Variants in IPO9 observed in about 807,000 individuals in gnomAD.
The protein encoded by IPO9 is importin-9.
In IPO9, 28 loss-of-function variants were observed where a neutral mutation model predicts 128.6. The observed-to-expected ratio is 0.22, with a 90% confidence interval of 0.16 to 0.30. The LOEUF (loss-of-function observed/expected upper bound fraction) is 0.30, where lower values mean the gene tolerates loss of function less well. IPO9 is among the 10% of genes least tolerant of loss of function. The pLI, the probability that IPO9 is intolerant of heterozygous loss-of-function variation, is 1.00. For missense variants in IPO9, 935 were observed against 1,293.9 expected (o/e 0.72, Z 4.26); for synonymous variants, 455 against 475.8 (o/e 0.96, Z 0.57).
Position 201,855,232 on chromosome 1 carries a change from AAAAG to A in IPO9, c.970+53_970+56del, listed in dbSNP as rs757399267. 48 of 1,223,652 alleles carry A rather than the reference AAAAG, an allele frequency of 3.9e-5. No individual in the cohort carries two copies. The East Asian group carries it at 1.0e-3, about 27-fold the overall frequency. 75.8% of individuals were successfully genotyped at this position (1,223,652 alleles called of 1,614,324 possible). Reference sequence around the variant, plus strand: ...AGAAATACCAGTTAGTGGGAAAAGAAAAAGAAGCCAGAGATGGGGGCGGGAAACA... The same window carrying A: ...AGAAATACCAGTTAGTGGGAAAAGAAAAGCCAGAGATGGGGGCGGGAAACA... On this transcript the variant is annotated intron_variant, in intron 9 of 23. Coordinates refer to ENST00000361565, the MANE Select transcript of IPO9 (RefSeq NM_018085.5).
chr1:201,869,565 CTT>C (rs776286552), intron 16 of IPO9, 23 bp from the exon 17 acceptor site: 3 of 1,613,048 alleles, frequency 1.9e-6, no homozygotes, highest in African/African-American at 2.7e-5. Context: ...GCAATTCTGA[CTT>C]TTCTTTTTCT....
intron 1 of IPO9, among the ~76,000 whole-genome samples, chr1:201,843,528 T>G (rs1430637295): frequency 4.6e-5 from 7 of 152,228 alleles, no homozygotes; most frequent in Admixed American, 4.6e-4. Context: ...AGCCAAATAC[T>G]TTTTAAGAAA....
At chr1:201,859,180 A>AATATATAT (rs148348918) in intron 13 of IPO9, among the ~76,000 whole-genome samples, 186 bp downstream of exon 13, 9 of 83,450 alleles carry the variant, frequency 1.1e-4, no homozygotes, top group African/African-American at 2.8e-4. Flanking sequence ...CTCAAAGTAT[A>AATATATAT]ATATATATAT....
rs752493699 is a variant in IPO9, at chr1:201,854,765, A to G, written c.810+51A>G. The G allele has an allele frequency of 1.1e-5, 17 of 1,608,418 alleles. No individual in the cohort carries two copies. The Admixed American group carries it at 2.7e-4, about 26-fold the overall frequency. Reference sequence around the variant, plus strand: ...TTTGGAGTTTGAGGGGCTGGTCTGAAATCATTTATTTCTTATATATCACTC... The same window carrying G: ...TTTGGAGTTTGAGGGGCTGGTCTGAGATCATTTATTTCTTATATATCACTC... On this transcript the variant is annotated intron_variant, in intron 7 of 23. Coordinates refer to ENST00000361565, the MANE Select transcript of IPO9 (RefSeq NM_018085.5).
At chr1:201,855,082 T>C in intron 8 of IPO9, 42 bp from the exon 9 acceptor site, 1 of 1,397,624 alleles carries the variant, frequency 7.2e-7, no homozygotes, top group South Asian at 1.2e-5. Context: ...AGATTATATG[T>C]AAAGCAGACT....
In IPO9 at chr1:201,876,481, G is replaced by T; in HGVS notation, c.*427G>T. On this transcript the variant is annotated 3_prime_UTR_variant, in exon 24 of 24. Coordinates refer to ENST00000361565, the MANE Select transcript of IPO9 (RefSeq NM_018085.5). ...GTTCATAGGACTTCTGATGTGTTCA[G>T]ATAGGAATCCTCATGAGAGATCATT... 2 of 325,448 alleles carry T rather than the reference G, an allele frequency of 6.1e-6. 1 individual carries two copies. Among genetic ancestry groups the T allele is most frequent in the South Asian group, 5.2e-5 (2 of 38,588 alleles). 20.2% of individuals were successfully genotyped at this position (325,448 alleles called of 1,614,324 possible). A position where few individuals can be genotyped will look rare whatever the true frequency, so the allele number is the denominator to read the frequency against.
chr1:201,871,376 C>CTTTTTTTTTTTTTTTTTTTTTTTTTT (rs556986429), intron 19 of IPO9, 49 bp downstream of exon 19: 1 of 140,406 alleles, frequency 7.1e-6, no homozygotes, highest in African/African-American at 6.7e-5. Flanking sequence ...ACTCATATTT[C>CTTTTTTTTTTTTTTTTTTTTTTTTTT]TTTTTTTTTT....
chr1:201,879,198 A>G lies in IPO9; in HGVS notation c.*3144A>G, dbSNP rs913387605. On this transcript the variant is annotated 3_prime_UTR_variant, in exon 24 of 24. Coordinates refer to ENST00000361565, the MANE Select transcript of IPO9 (RefSeq NM_018085.5). ...ATGAACCTACAACAAATGACCCAAA[A>G]GCACCTAAATAAGAGTGACGAGAGT... is the stretch of plus-strand genomic sequence containing the variant. The G allele has an allele frequency of 6.6e-6, 1 of 152,274 alleles. No individual in the cohort carries two copies. Among genetic ancestry groups the G allele is most frequent in the Admixed American group, 6.5e-5 (1 of 15,288 alleles). 9.4% of individuals were successfully genotyped at this position (152,274 alleles called of 1,614,324 possible).
At chr1:201,875,344 C>G in intron 23 of IPO9, 116 bp downstream of exon 23, 2 of 914,472 alleles carry the variant, frequency 2.2e-6, no homozygotes, top group Non-Finnish European at 3.6e-6. Flanking sequence ...AATCCCAACA[C>G]TTTGGGAGGT....
At chr1:201,833,936 G>A (rs115971802) in intron 1 of IPO9, among the ~76,000 whole-genome samples, 1,559 of 152,190 alleles carry the variant, frequency 0.01, 31 homozygotes, top group African/African-American at 0.036. Context: ...ACAAGCACAT[G>A]CCCATACTTG....
In IPO9 at chr1:201,876,197, A is replaced by T. The variant is rs759738951; in HGVS notation, c.*143A>T. 1.2e-5 allele frequency: 9 copies of T among 753,666 alleles called. No individual in the cohort carries two copies. Among genetic ancestry groups the T allele is most frequent in the Non-Finnish European group, 2.0e-5 (8 of 405,610 alleles). The allele number at this position is 753,666 out of a possible 1,614,324, so 46.7% of individuals were successfully genotyped here. A position where few individuals can be genotyped will look rare whatever the true frequency, so the allele number is the denominator to read the frequency against. ...CTTGGCCTCGGCAGTGACACTGATG[A>T]CAATTCAGACCAGGCTCACCGGTGC... On this transcript the variant is annotated 3_prime_UTR_variant, in exon 24 of 24. Transcript: ENST00000361565.
At chr1:201,872,606 A>C (rs1429327748) in intron 19 of IPO9, among the ~76,000 whole-genome samples, 1 of 147,740 alleles carries the variant, frequency 6.8e-6, no homozygotes, top group Admixed American at 6.7e-5. Context: ...CCTATCTCAA[A>C]AACAACAACA....
At chr1:201,833,713 A>G (rs1340155596) in intron 1 of IPO9, among the ~76,000 whole-genome samples, 1 of 152,228 alleles carries the variant, frequency 6.6e-6, no homozygotes, top group Admixed American at 6.5e-5. Flanking sequence ...AATTGAGAAG[A>G]ACATTGCTTG....
At chr1:201,849,266 C>T (rs1374051477) in intron 4 of IPO9, among the ~76,000 whole-genome samples, 1 of 152,160 alleles carries the variant, frequency 6.6e-6, no homozygotes, top group Non-Finnish European at 1.5e-5. Context: ...ATGGATATCT[C>T]TTCTAAACCT....
rs1680139170 is a variant in IPO9, at chr1:201,847,297, C to G, written c.182C>G (p.Ala61Gly). 1.2e-6 allele frequency: 2 copies of G among 1,613,814 alleles called. No homozygotes were observed. Among genetic ancestry groups the G allele is most frequent in the Non-Finnish European group, 1.7e-6 (2 of 1,179,868 alleles). The change falls in exon 2 of 24, where the codon GCA (alanine) becomes GGA (glycine). Residue 61 changes from alanine (A) to glycine (G), a missense_variant. This residue lies in a region of IPO9 where 741 missense variants were observed against 1,019.1 expected (regional missense o/e 0.73). Transcript: ENST00000361565. ...CTTTCAGAATTTGGTGTTCACTTGG[C>G]AGAACTGACTGTAGATCCCCAGGGG... ...EVTEEFGVHL[A>G]ELTVDPQGAL...
chr1:201,852,896 A>G, intron 5 of IPO9, 115 bp from the exon 6 acceptor site: 1 of 781,750 alleles, frequency 1.3e-6, no homozygotes, highest in Non-Finnish European at 2.2e-6. Flanking sequence ...TCTCGAGGGC[A>G]TCCAATCTCA....
chr1:201,860,591 G>T (rs1357251253), intron 13 of IPO9, among the ~76,000 whole-genome samples: 1 of 152,074 alleles, frequency 6.6e-6, no homozygotes. Context: ...TAGAATATTT[G>T]TTATTTAGTC....
intron 12 of IPO9, 38 bp downstream of exon 12, chr1:201,858,591 T>C: frequency 8.4e-7 from 1 of 1,187,586 alleles, no homozygotes; most frequent in Non-Finnish European, 1.2e-6. Context: ...ATGCTTTTGT[T>C]TACCCCTTCT....
intron 20 of IPO9, 36 bp downstream of exon 20, chr1:201,872,997 A>G (rs1305235918): frequency 6.3e-7 from 1 of 1,591,670 alleles, no homozygotes; most frequent in South Asian, 1.1e-5. Flanking sequence ...TCCTCTCCCT[A>G]TACGAAGGGG....
Sources: allele counts gnomAD v4.1 joint callset (sites outside exome capture counted in the v4.1 genomes callset), GRCh38; gene constraint gnomAD v4.1.1; regional missense constraint gnomAD v4.1.1; transcripts MANE v1.5; gene names NCBI Gene and HGNC (gene_info 2026-07-23, HGNC 2026-07-21).